CAMKK2: variants seen among roughly 807,000 people sequenced by gnomAD.
CAMKK2 encodes the protein calcium/calmodulin dependent protein kinase kinase 2, also known as calcium/calmodulin-dependent protein kinase kinase 2.
Under a neutral mutation model 67.2 loss-of-function variants are expected in CAMKK2, and 30 were observed. That is an observed-to-expected ratio of 0.45 (90% CI 0.33 to 0.61). The LOEUF is 0.61. Among genes scored for constraint, CAMKK2 ranks in the 20% least tolerant of loss-of-function variants. CAMKK2 has a pLI of 0.02. For synonymous variants in CAMKK2, 322 were observed against 326.2 expected, an observed-to-expected ratio of 0.99 and a Z score of 0.14; for missense variants, 643 against 802.0, an observed-to-expected ratio of 0.80 and a Z score of 2.39.
chr12:121,290,159 GA>G (rs1899713816), intron 1 of CAMKK2, among the ~76,000 whole-genome samples: 1 of 152,134 alleles, frequency 6.6e-6, no homozygotes, highest in Admixed American at 6.6e-5. Context: ...CCCTTGTCTG[GA>G]ACATGGAAGG....
At chr12:121,255,222 A>ATATATATATAATTATATATATATAAT (rs1319654437) in intron 9 of CAMKK2, among the ~76,000 whole-genome samples, 1,214 of 17,276 alleles carry the variant, frequency 0.07, 246 homozygotes, top group African/African-American at 0.12. Context: ...ATATAATTTT[A>ATATATATATAATTATATATATATAAT]TATATATATA....
chr12:121,260,782 A>G (rs1893290932), intron 6 of CAMKK2, among the ~76,000 whole-genome samples: 1 of 151,992 alleles, frequency 6.6e-6, no homozygotes, highest in South Asian at 2.1e-4. Context: ...GAGAAACCCC[A>G]TCTCTACTAA....
Position 121,239,589 on chromosome 12 carries a change from C to G in CAMKK2, c.*1110G>C, listed in dbSNP as rs1341536636. 1 of 152,190 alleles carries G rather than the reference C, an allele frequency of 6.6e-6. No homozygotes were observed. The highest frequency in any genetic ancestry group is 2.4e-5 in the African/African-American group (1 of 41,436). The allele number at this position is 152,190 out of a possible 1,614,324, so 9.4% of individuals were successfully genotyped here. The stretch of plus-strand genomic sequence containing the variant: ...GTTGGTCCAGTGAAAGCATTTCCCA[C>G]CTGGCCCTCCAGAAACTGGGTATTT... On this transcript the variant is annotated 3_prime_UTR_variant, in exon 17 of 17. Transcript: ENST00000404169.
intron 2 of CAMKK2, among the ~76,000 whole-genome samples, chr12:121,272,171 C>T (rs1315840701): frequency 2.0e-5 from 3 of 152,308 alleles, no homozygotes; most frequent in South Asian, 4.1e-4. Context: ...ATCTACCGTA[C>T]CACAGGCCAC....
intron 1 of CAMKK2, among the ~76,000 whole-genome samples, chr12:121,286,667 C>T (rs536950369): frequency 1.2e-4 from 18 of 152,172 alleles, no homozygotes; most frequent in African/African-American, 3.6e-4. Context: ...CCTCAGCCCC[C>T]CAAGTAGCTG....
rs371270887 is a variant in CAMKK2, at chr12:121,244,567, C to T, written c.1596+6G>A. 1.1e-5 allele frequency: 17 copies of T among 1,557,744 alleles called. No homozygotes were observed. The highest frequency in any genetic ancestry group is 1.5e-5 in the Non-Finnish European group (17 of 1,150,640). ...AGAGGCTACGGCACAGGCAGGCGGGCGTTACCTTGAGCTCAGACAGGGACT... is the reference window on the plus strand; with the variant it reads ...AGAGGCTACGGCACAGGCAGGCGGGTGTTACCTTGAGCTCAGACAGGGACT... On this transcript the variant is annotated splice_donor_region_variant and intron_variant, in intron 16 of 16. Coordinates refer to ENST00000404169, the MANE Select transcript of CAMKK2 (RefSeq NM_001270485.2).
chr12:121,267,025 T>G (rs1272787399), intron 5 of CAMKK2, among the ~76,000 whole-genome samples: 1 of 25,470 alleles, frequency 3.9e-5, no homozygotes, highest in Non-Finnish European at 6.9e-5. Context: ...CTCTGGCCTT[T>G]TTTTTTTTTT....
intron 13 of CAMKK2, among the ~76,000 whole-genome samples, 176 bp from the exon 14 acceptor site, chr12:121,248,910 G>A (rs377324755): frequency 3.9e-5 from 6 of 152,238 alleles, no homozygotes; most frequent in East Asian, 1.9e-4. Context: ...ACATGAAGAC[G>A]GAGAGACAGG....
chr12:121,249,082 C>T (rs991375534), intron 13 of CAMKK2, among the ~76,000 whole-genome samples: 2 of 152,250 alleles, frequency 1.3e-5, no homozygotes, highest in Non-Finnish European at 2.9e-5. Context: ...GCTCAGTGCA[C>T]AGCAGGCAGC....
rs1294911295 is a variant in CAMKK2 at position 121,240,878 on chromosome 12, CGAACA to C, written c.1597-14_1597-10del. ...CTTCGCTGCCTTGCTTCCTGCTCAC[CGAACA>C]GAAAACCAACATTAAGACTCTGAGA... On this transcript the variant is annotated splice_polypyrimidine_tract_variant and intron_variant, in intron 16 of 16. Transcript: ENST00000404169. This position sits in a 1 kb window ranked among gnomAD's most constrained non-coding sequence, Gnocchi z 4.4. The C allele has an allele frequency of 1.9e-6, 3 of 1,612,046 alleles. No homozygotes were observed. The highest frequency in any genetic ancestry group is 1.3e-5 in the African/African-American group (1 of 75,018).
chr12:121,252,790 C>T, intron 10 of CAMKK2, 76 bp from the exon 11 acceptor site: 1 of 1,444,126 alleles, frequency 6.9e-7, no homozygotes, highest in Non-Finnish European at 9.7e-7. Flanking sequence ...CTTTGGGGAA[C>T]CACCTCTTGA....
chr12:121,270,368 TAAA>T (rs3999199), intron 3 of CAMKK2, among the ~76,000 whole-genome samples: 1 of 125,290 alleles, frequency 8.0e-6, no homozygotes, highest in Non-Finnish European at 1.7e-5. Context: ...ACACCCTGTC[TAAA>T]AAAAAAAAAA....
chr12:121,274,116 C>A lies in CAMKK2; in HGVS notation c.411G>T (p.Ser137=), dbSNP rs761201595. The A allele has an allele frequency of 6.4e-7, 1 of 1,556,948 alleles. No individual in the cohort carries two copies. Among genetic ancestry groups the A allele is most frequent in the Non-Finnish European group, 8.7e-7 (1 of 1,150,370 alleles). The change falls in exon 2 of 17, where the codon TCG becomes TCT. Residue 137 remains serine (S), a synonymous_variant. Coordinates refer to ENST00000404169, the MANE Select transcript of CAMKK2 (RefSeq NM_001270485.2). ...PYSPVSSPQS[S]PRLPRRPTVE... is the part of the protein sequence containing the mutation. ...CTGTCGGCCGCCGGGGCAGCCGAGG[C>A]GAGGACTGCGGGGAGCTGACGGGTG...
chr12:121,290,207 C>T (rs1642400857), intron 1 of CAMKK2, among the ~76,000 whole-genome samples: 2 of 152,320 alleles, frequency 1.3e-5, no homozygotes, highest in South Asian at 4.1e-4. Context: ...TCCTCTCAGG[C>T]CAGCTTTCCA....
chr12:121,255,263 T>TTTATATATATAATTATATATATATAA (rs1891767314), intron 9 of CAMKK2, among the ~76,000 whole-genome samples: 1 of 23,138 alleles, frequency 4.3e-5, no homozygotes. Flanking sequence ...TATATATAAT[T>TTTATATATATAATTATATATATATAA]TTATATATAT....
intron 16 of CAMKK2, chr12:121,243,881 C>A: frequency 7.3e-7 from 1 of 1,374,142 alleles, no homozygotes. Context: ...AGTCAGGTAG[C>A]CATGATGTGC....
rs761769693 is a variant in CAMKK2, at chr12:121,274,458, C to T, written c.69G>A (p.Arg23=). The change falls in exon 2 of 17, where the codon AGG becomes AGA. Residue 23 remains arginine, a synonymous_variant. Transcript: ENST00000404169. ...RAAPQDELGG[R]GSSSSESQKP... ...TCTGGCTTTCGCTGCTGCTGCTGCC[C>T]CTGCCCCCCAGCTCATCCTGGGGGG... 11 of 1,612,890 alleles carry T rather than the reference C, an allele frequency of 6.8e-6. No individual in the cohort carries two copies. Among genetic ancestry groups the T allele is most frequent in the African/African-American group, 2.7e-5 (2 of 74,936 alleles).
intron 6 of CAMKK2, among the ~76,000 whole-genome samples, chr12:121,262,356 C>G (rs747202163): frequency 6.6e-6 from 1 of 151,854 alleles, no homozygotes; most frequent in Admixed American, 6.6e-5. Flanking sequence ...ATTAAAAATA[C>G]AAAAAATTAG....
intron 14 of CAMKK2, among the ~76,000 whole-genome samples, chr12:121,247,566 A>G (rs1463010470): frequency 1.3e-5 from 2 of 152,142 alleles, no homozygotes; most frequent in Non-Finnish European, 2.9e-5. Flanking sequence ...CTACAGGCAC[A>G]AGGGGTGGTT....
Sources: gnomAD v4.1 joint callset for allele counts (sites outside exome capture counted in the v4.1 genomes callset) on GRCh38, gnomAD v4.1.1 for gene constraint, Gnocchi (gnomAD v3.1) non-coding constraint, MANE v1.5 for transcripts, NCBI Gene and HGNC (gene_info 2026-07-23, HGNC 2026-07-21) for gene names.